MAU2: variants seen among roughly 807,000 people sequenced by gnomAD.
MAU2 encodes MAU2 sister chromatid cohesion factor, also known as MAU2 chromatid cohesion factor homolog.
Under a neutral mutation model 89.1 loss-of-function variants are expected in MAU2, and 9 were observed. The ratio of observed to expected loss-of-function variants is 0.10; its 90% CI spans 0.06 to 0.18. MAU2 has a LOEUF of 0.18. Ranked by LOEUF, MAU2 falls within the 10% of genes least tolerant of loss-of-function variation. The pLI, the probability that MAU2 is intolerant of heterozygous loss-of-function variation, is 1.00. For synonymous variants in MAU2, 357 were observed against 343.4 expected (o/e 1.04, Z -0.44); for missense variants, 425 against 803.5 (o/e 0.53, Z 5.69).
chr19:19,351,363 TAA>T (rs559642242), intron 16 of MAU2, among the ~76,000 whole-genome samples: 3 of 140,026 alleles, frequency 2.1e-5, no homozygotes, highest in Non-Finnish European at 4.7e-5. Context: ...TGCTATCTCT[TAA>T]AAAAAAAAAA....
At chr19:19,343,981 T>C (rs756941017) in intron 10 of MAU2, 41 bp downstream of exon 10, 2 of 1,527,030 alleles carry the variant, frequency 1.3e-6, no homozygotes, top group Non-Finnish European at 9.0e-7. Flanking sequence ...CCCAGGAGTT[T>C]GTTGGGTCTC....
chr19:19,330,007 T>TCTCA lies in MAU2; in HGVS notation c.277-5707_277-5704dup, dbSNP rs781574915. On this transcript the variant is annotated intron_variant, in intron 1 of 18. Coordinates refer to ENST00000262815, the MANE Select transcript of MAU2 (RefSeq NM_015329.4). ...TATTTTTTATTTTTTTGAGATAAAGTCTCACTCTGTCACCCAGGCTGGAGT... is the reference window on the plus strand; with the variant it reads ...TATTTTTTATTTTTTTGAGATAAAGTCTCACTCACTCTGTCACCCAGGCTGGAGT... Among the ~76,000 whole-genome samples the TCTCA allele has an allele frequency of 2.5e-3, 378 of 151,604 alleles. 3 individuals carry two copies. Among genetic ancestry groups the TCTCA allele is most frequent in the Non-Finnish European group, 3.0e-3 (206 of 67,900 alleles).
intron 8 of MAU2, 38 bp downstream of exon 8, chr19:19,342,719 G>GGGGGCA (rs1175462128): frequency 1.9e-6 from 3 of 1,613,198 alleles, no homozygotes; most frequent in African/African-American, 2.7e-5. Flanking sequence ...GGCTGGGGGC[G>GGGGGCA]GGGGCAGGGA....
At chr19:19,335,280 C>T (rs551185946) in intron 1 of MAU2, among the ~76,000 whole-genome samples, 7 of 152,354 alleles carry the variant, frequency 4.6e-5, no homozygotes, top group African/African-American at 1.7e-4. Flanking sequence ...GACCCATTCT[C>T]CAGTTGAAAC....
Position 19,348,921 on chromosome 19 carries a change from C to T in MAU2, c.1341C>T (p.Asp447=). The T allele has an allele frequency of 6.2e-7, 1 of 1,613,766 alleles. No individual in the cohort carries two copies. The highest frequency in any genetic ancestry group is 8.5e-7 in the Non-Finnish European group (1 of 1,179,936). Residue 447 remains aspartate, a synonymous_variant, in exon 14 of 19, where the codon GAC becomes GAT. Coordinates refer to ENST00000262815, the MANE Select transcript of MAU2 (RefSeq NM_015329.4). ...GTCTGCTGGAGAGGATCAACCCGGA[C>T]CACAGCTTCCCTGTCAGGTGAGCCG... ...LYSLLERINP[D]HSFPVSSHCL... is the part of the protein sequence containing the mutation.
intron 12 of MAU2, among the ~76,000 whole-genome samples, chr19:19,346,616 T>TG (rs547651366): frequency 7.0e-4 from 107 of 152,172 alleles, no homozygotes; most frequent in African/African-American, 1.6e-3. Flanking sequence ...TCTGTGCAGG[T>TG]GGGGTCTGTG....
At chr19:19,349,109 G>C in intron 14 of MAU2, 46 bp from the exon 15 acceptor site, 2 of 1,609,598 alleles carry the variant, frequency 1.2e-6, no homozygotes, top group Non-Finnish European at 1.7e-6. Context: ...TTGTAAACCT[G>C]CTTCTCAAAA....
At chr19:19,330,687 C>T (rs2061548754) in intron 1 of MAU2, among the ~76,000 whole-genome samples, 3 of 152,154 alleles carry the variant, frequency 2.0e-5, no homozygotes, top group Non-Finnish European at 2.9e-5. Flanking sequence ...GTGCCATGAG[C>T]CAAGATCACA....
intron 3 of MAU2, 74 bp from the exon 4 acceptor site, chr19:19,337,096 C>T (rs2146677573): frequency 1.7e-6 from 2 of 1,172,136 alleles, no homozygotes; most frequent in South Asian, 2.6e-5. Context: ...ACAGCTGCTG[C>T]TAAGGAATCC....
intron 17 of MAU2, 148 bp from the exon 18 acceptor site, chr19:19,355,116 G>T: frequency 9.6e-7 from 1 of 1,037,738 alleles, no homozygotes; most frequent in Non-Finnish European, 1.4e-6. Context: ...GTGATCCCAA[G>T]ACAGGGCTCA....
Position 19,321,148 on chromosome 19 carries a change from C to G in MAU2, c.276+13C>G, listed in dbSNP as rs1173966177. The G allele has an allele frequency of 4.4e-6, 7 of 1,577,676 alleles. No homozygotes were observed. The highest frequency in any genetic ancestry group is 1.8e-5 in the Admixed American group (1 of 57,026). On this transcript the variant is annotated intron_variant, in intron 1 of 18. Transcript: ENST00000262815. Reference sequence around the variant, plus strand: ...CCTGGAGAAGGCGGTGAGCGCGGGCCGGGCCGCGAGGGAGGAGTCGCGGGC... The same window carrying G: ...CCTGGAGAAGGCGGTGAGCGCGGGCGGGGCCGCGAGGGAGGAGTCGCGGGC...
chr19:19,336,938 C>T (rs2146677193), intron 3 of MAU2, among the ~76,000 whole-genome samples: 1 of 152,278 alleles, frequency 6.6e-6, no homozygotes, highest in Admixed American at 6.5e-5. Flanking sequence ...ACTTTCAGTC[C>T]AGTTGAATGA....
intron 12 of MAU2, 56 bp from the exon 13 acceptor site, chr19:19,347,224 C>A: frequency 9.3e-7 from 1 of 1,080,390 alleles, no homozygotes; most frequent in Non-Finnish European, 1.4e-6. Context: ...TCTGACACTG[C>A]CACATGGGTC....
chr19:19,350,899 CAAA>C (rs201378778), intron 16 of MAU2, among the ~76,000 whole-genome samples: 15 of 136,694 alleles, frequency 1.1e-4, no homozygotes, highest in South Asian at 2.4e-4. Flanking sequence ...GACTCCATCT[CAAA>C]AAAAAAAAAA....
At chr19:19,348,855 G>A in intron 13 of MAU2, 34 bp from the exon 14 acceptor site, 1 of 1,612,378 alleles carries the variant, frequency 6.2e-7, no homozygotes, top group East Asian at 2.2e-5. Context: ...CTGTGAAGAT[G>A]CAGAATGGTG....
intron 1 of MAU2, among the ~76,000 whole-genome samples, chr19:19,326,344 G>A (rs2061503618): frequency 6.6e-6 from 1 of 151,918 alleles, no homozygotes; most frequent in African/African-American, 2.4e-5. Flanking sequence ...CTTAAGCCCA[G>A]GAGTTCAAGA....
At position 19,356,763 on chromosome 19, in the gene MAU2, C is replaced by T. The variant is rs979262469; in HGVS notation, c.*981C>T. ...CCGCCTCACCTTCCCTGCTGGGTCT[C>T]TGGGGCACAGTGTGAAACCCGCACC... is the stretch of plus-strand genomic sequence containing the variant. On this transcript the variant is annotated 3_prime_UTR_variant, in exon 19 of 19. Transcript: ENST00000262815. 1.3e-5 allele frequency: 2 copies of T among 153,170 alleles called. No homozygotes were observed. The highest frequency in any genetic ancestry group is 4.8e-5 in the African/African-American group (2 of 41,442). 9.5% of individuals were successfully genotyped at this position (153,170 alleles called of 1,614,324 possible).
At position 19,345,247 on chromosome 19, in the gene MAU2, C is replaced by G. The variant is rs1429635063; in HGVS notation, c.1156-57C>G. ...CAGGCCCCGGGCACACCACGTGTCT[C>G]TGATCTGAGCCCCCTCCCCAGGGGC... On this transcript the variant is annotated intron_variant, in intron 11 of 18. Coordinates refer to ENST00000262815, the MANE Select transcript of MAU2 (RefSeq NM_015329.4). The surrounding 1 kb of genome is among the most constrained non-coding windows in gnomAD (Gnocchi z 4.9). The G allele has an allele frequency of 2.0e-6, 3 of 1,509,652 alleles. No homozygotes were observed. The highest frequency in any genetic ancestry group is 2.8e-6 in the Non-Finnish European group (3 of 1,086,230). 93.5% of individuals were successfully genotyped at this position (1,509,652 alleles called of 1,614,324 possible). A position where few individuals can be genotyped will look rare whatever the true frequency, so the allele number is the denominator to read the frequency against.
chr19:19,321,755 A>G (rs145240095), intron 1 of MAU2: 2 of 152,254 alleles, frequency 1.3e-5, no homozygotes, highest in East Asian at 2.0e-4. Context: ...GGAGTTGGTC[A>G]TTTGAGGCCT....
Sources: gnomAD v4.1 joint callset for allele counts (sites outside exome capture counted in the v4.1 genomes callset) on GRCh38, gnomAD v4.1.1 for gene constraint, Gnocchi (gnomAD v3.1) non-coding constraint, MANE v1.5 for transcripts, NCBI Gene and HGNC (gene_info 2026-07-23, HGNC 2026-07-21) for gene names.